The following TDRD5 variants were observed in gnomAD, a reference collection of about 807,000 sequenced individuals.
TDRD5 encodes tudor domain-containing protein 5.
In TDRD5, 41 loss-of-function variants were observed where a neutral mutation model predicts 120.6. The ratio of observed to expected loss-of-function variants is 0.34; its 90% CI spans 0.26 to 0.44. The LOEUF is 0.44. TDRD5 is among the 20% of genes least tolerant of loss of function. The pLI is 1.00. For missense variants in TDRD5, 1,006 were observed against 1,221.2 expected (o/e 0.82, Z 2.63); for synonymous variants, 430 against 433.7 (o/e 0.99, Z 0.11).
In TDRD5 at chr1:179,611,102, G is replaced by A. The variant is rs142352697; in HGVS notation, c.832-7497G>A. Among the ~76,000 whole-genome samples the A allele has an allele frequency of 6.7e-3, 1,011 of 151,622 alleles. 8 individuals are homozygous for A. The highest frequency in any genetic ancestry group is 0.022 in the African/African-American group (899 of 41,288). Reference sequence around the variant, plus strand: ...TGATGGAGCCTTGCTCTGTCACCCAGACTGGAATGCAGTGGTGTGATCTCA... The same window carrying A: ...TGATGGAGCCTTGCTCTGTCACCCAAACTGGAATGCAGTGGTGTGATCTCA... On this transcript the variant is annotated intron_variant, in intron 4 of 17. Transcript: ENST00000444136.
At chr1:179,673,311 C>A (rs72706769) in intron 17 of TDRD5, among the ~76,000 whole-genome samples, 1 of 152,082 alleles carries the variant, frequency 6.6e-6, no homozygotes, top group Non-Finnish European at 1.5e-5. Flanking sequence ...AAGTCTTTCA[C>A]GTCTTGGTTA....
intron 14 of TDRD5, among the ~76,000 whole-genome samples, chr1:179,655,091 A>G (rs1006366598): frequency 4.6e-5 from 7 of 152,076 alleles, no homozygotes; most frequent in African/African-American, 1.7e-4. Flanking sequence ...ACCCACGTTT[A>G]TCTCTTTTAG....
chr1:179,678,147 C>G lies in TDRD5; in HGVS notation c.2860+8743C>G, dbSNP rs570561262. 2.0e-5 allele frequency among the ~76,000 whole-genome samples: 3 copies of G among 152,198 alleles called. No individual in the cohort carries two copies. In the South Asian group the frequency reaches 6.2e-4, roughly 32 times the overall value. On this transcript the variant is annotated intron_variant, in intron 17 of 17. Coordinates refer to ENST00000444136, the MANE Select transcript of TDRD5 (RefSeq NM_001199085.3). ...ACACCCCCAGGGGGATTATGGCTGC[C>G]TCTGCTGAGTCATACAGGTTGCCAG...
At position 179,638,214 on chromosome 1, in the gene TDRD5, G is replaced by A. The variant is rs1677876219; in HGVS notation, c.1521-1625G>A. ...GTTTTAAGAAAGCCATTGGAGTGAA[G>A]GGATGAAGATCTATTAGTGGACTAG... is the stretch of plus-strand genomic sequence containing the variant. On this transcript the variant is annotated intron_variant, in intron 9 of 17. Coordinates refer to ENST00000444136, the MANE Select transcript of TDRD5 (RefSeq NM_001199085.3). 1.5e-5 allele frequency among the ~76,000 whole-genome samples: 2 copies of A among 131,284 alleles called. 1 individual carries two copies. Among genetic ancestry groups the A allele is most frequent in the Non-Finnish European group, 3.4e-5 (2 of 58,636 alleles). 86.1% of individuals were successfully genotyped at this position (131,284 alleles called of 152,430 possible).
chr1:179,641,637 T>C (rs531229690), intron 11 of TDRD5, among the ~76,000 whole-genome samples: 2 of 152,366 alleles, frequency 1.3e-5, no homozygotes, highest in Non-Finnish European at 2.9e-5. Context: ...GTTTATTTTA[T>C]TGGATGTTGG....
intron 6 of TDRD5, among the ~76,000 whole-genome samples, chr1:179,624,088 A>G (rs1044704526): frequency 1.3e-5 from 2 of 152,198 alleles, no homozygotes; most frequent in Non-Finnish European, 1.5e-5. Flanking sequence ...CCTGAACAAG[A>G]GGGGTTTATC....
At chr1:179,625,432 T>C (rs889827600) in intron 6 of TDRD5, among the ~76,000 whole-genome samples, 3 of 152,204 alleles carry the variant, frequency 2.0e-5, no homozygotes, top group African/African-American at 4.8e-5. Flanking sequence ...AAAGGACTTA[T>C]ATTCAGAATA....
At chr1:179,595,118 G>A (rs1358968833) in intron 3 of TDRD5, among the ~76,000 whole-genome samples, 1 of 151,942 alleles carries the variant, frequency 6.6e-6, no homozygotes, top group East Asian at 1.9e-4. Flanking sequence ...GGTGAAGTCT[G>A]GTGATGTATC....
rs1327584205 is a variant in TDRD5 at position 179,691,111 on chromosome 1, G to A, written c.*168G>A. 1 of 811,560 alleles carries A rather than the reference G, an allele frequency of 1.2e-6. No individual in the cohort carries two copies. Among genetic ancestry groups the A allele is most frequent in the Non-Finnish European group, 1.8e-6 (1 of 549,998 alleles). 50.3% of individuals were successfully genotyped at this position (811,560 alleles called of 1,614,324 possible). A position where few individuals can be genotyped will look rare whatever the true frequency, so the allele number is the denominator to read the frequency against. On this transcript the variant is annotated 3_prime_UTR_variant, in exon 18 of 18. Coordinates refer to ENST00000444136, the MANE Select transcript of TDRD5 (RefSeq NM_001199085.3). ...TTATGCTAACAGTCTACTTTGATGT[G>A]TAAGTAAGTATTGATATTTACTGTT...
rs766677732 is a variant in TDRD5, at chr1:179,651,086, A to G, written c.2001+19A>G. ...TTCTAAGGTGGAGCAGTCTGGATGT[A>G]TTTTGTAATATATTTTGTTTAATTT... On this transcript the variant is annotated intron_variant, in intron 12 of 17. Coordinates refer to ENST00000444136, the MANE Select transcript of TDRD5 (RefSeq NM_001199085.3). 1 of 1,611,588 alleles carries G rather than the reference A, an allele frequency of 6.2e-7. No individual in the cohort carries two copies.
chr1:179,596,282 A>C (rs1297945088), intron 4 of TDRD5, among the ~76,000 whole-genome samples: 1 of 152,236 alleles, frequency 6.6e-6, no homozygotes, highest in Admixed American at 6.5e-5. Flanking sequence ...CAGAATGAGC[A>C]CGTGGAAATT....
At chr1:179,660,205 A>T (rs1679225994) in intron 14 of TDRD5, among the ~76,000 whole-genome samples, 1 of 121,224 alleles carries the variant, frequency 8.2e-6, no homozygotes, top group African/African-American at 3.1e-5. Flanking sequence ...CATTTTATCT[A>T]CTATGGTTTT....
At chr1:179,672,932 C>G (rs768902290) in intron 17 of TDRD5, among the ~76,000 whole-genome samples, 1 of 151,892 alleles carries the variant, frequency 6.6e-6, no homozygotes, top group Non-Finnish European at 1.5e-5. Context: ...TTTTGGGTTC[C>G]CTATTCTGTT....
At chr1:179,593,924 C>G in intron 3 of TDRD5, 57 bp downstream of exon 3, 2 of 1,561,872 alleles carry the variant, frequency 1.3e-6, no homozygotes, top group Non-Finnish European at 1.7e-6. Context: ...TGTGTAATCA[C>G]TAAGGTCTAT....
At chr1:179,606,398 C>T (rs564906255) in intron 4 of TDRD5, among the ~76,000 whole-genome samples, 1 of 151,786 alleles carries the variant, frequency 6.6e-6, no homozygotes, top group Non-Finnish European at 1.5e-5. Context: ...TGGCTTATTT[C>T]TCAATCTTTT....
chr1:179,593,076 A>G (rs532134692), intron 2 of TDRD5, among the ~76,000 whole-genome samples: 3 of 152,344 alleles, frequency 2.0e-5, no homozygotes, highest in South Asian at 4.1e-4. Context: ...ACATTTTTAC[A>G]TATGATTTCA....
chr1:179,608,428 G>A (rs1676104577), intron 4 of TDRD5, among the ~76,000 whole-genome samples: 1 of 150,032 alleles, frequency 6.7e-6, no homozygotes, highest in African/African-American at 2.5e-5. Context: ...TTATTTTCTT[G>A]CAGGTCACTG....
At chr1:179,681,430 A>G (rs1680414512) in intron 17 of TDRD5, among the ~76,000 whole-genome samples, 1 of 152,214 alleles carries the variant, frequency 6.6e-6, no homozygotes, top group Admixed American at 6.5e-5. Context: ...TTGGATATCA[A>G]AAATATCCAG....
chr1:179,618,108 T>C (rs1676653016), intron 4 of TDRD5, among the ~76,000 whole-genome samples: 1 of 152,138 alleles, frequency 6.6e-6, no homozygotes, highest in Non-Finnish European at 1.5e-5. Context: ...AGAGCCTTTC[T>C]TTGTACCCTT....
Sources: gnomAD v4.1 joint callset for allele counts (sites outside exome capture counted in the v4.1 genomes callset) on GRCh38, gnomAD v4.1.1 for gene constraint, MANE v1.5 for transcripts, NCBI Gene and HGNC (gene_info 2026-07-23, HGNC 2026-07-21) for gene names.